Variants in INA observed in about 807,000 individuals in gnomAD.
INA encodes alpha-internexin.
INA carries 35 observed loss-of-function variants against 40.1 expected under a neutral mutation model. The ratio of observed to expected loss-of-function variants is 0.87; its 90% CI spans 0.67 to 1.16. The LOEUF (loss-of-function observed/expected upper bound fraction) is 1.16, where lower values mean the gene tolerates loss of function less well. Ranked by LOEUF, INA falls within the 50% of genes most tolerant of loss-of-function variation. The probability of loss-of-function intolerance (pLI) is 0.00; values close to 1 mark genes in which losing one functional copy is unlikely to be tolerated. For missense variants in INA, 594 were observed against 686.7 expected (o/e 0.87, Z 1.51); for synonymous variants, 290 against 316.9 (o/e 0.92, Z 0.90).
At chr10:103,286,740 C>T (rs1382890931) in intron 1 of INA, among the ~76,000 whole-genome samples, 1 of 151,962 alleles carries the variant, frequency 6.6e-6, no homozygotes, top group African/African-American at 2.4e-5. Context: ...AACTATATGC[C>T]GTGTGGCTAT....
At position 103,289,366 on chromosome 10, in the gene INA, C is replaced by A. The variant is rs960498563; in HGVS notation, c.*697C>A. 1 of 152,588 alleles carries A rather than the reference C, an allele frequency of 6.6e-6. No individual in the cohort carries two copies. Among genetic ancestry groups the A allele is most frequent in the Non-Finnish European group, 1.5e-5 (1 of 68,022 alleles). The allele number at this position is 152,588 out of a possible 1,614,324, so 9.5% of individuals were successfully genotyped here. A position where few individuals can be genotyped will look rare whatever the true frequency, so the allele number is the denominator to read the frequency against. On this transcript the variant is annotated 3_prime_UTR_variant, in exon 3 of 3. Coordinates refer to ENST00000369849, the MANE Select transcript of INA (RefSeq NM_032727.4). ...TACTTATCCCTGCCCATTTCATATT[C>A]TTTCAATTCTGTAGGTTAAAAAAAT...
intron 2 of INA, among the ~76,000 whole-genome samples, chr10:103,287,649 C>T (rs2093089391): frequency 1.3e-5 from 2 of 149,416 alleles, no homozygotes; most frequent in African/African-American, 5.0e-5. Flanking sequence ...GCAAGAGAAT[C>T]GCTTGAACCT....
intron 1 of INA, 133 bp from the exon 2 acceptor site, chr10:103,286,901 AC>A: frequency 1.2e-6 from 1 of 862,590 alleles, no homozygotes; most frequent in Non-Finnish European, 1.8e-6. Flanking sequence ...TCAGGGACAG[AC>A]CTGGATATAA....
Position 103,284,201 on chromosome 10 carries a change from G to A in INA, c.1066-2834G>A, listed in dbSNP as rs140747022. On this transcript the variant is annotated intron_variant, in intron 1 of 2. Coordinates refer to ENST00000369849, the MANE Select transcript of INA (RefSeq NM_032727.4). ...TAGCTCACTTCAACCTCCGCCTACC[G>A]GGCTCGAGCAATTCTCTCAGCTCAG... 4.6e-3 allele frequency among the ~76,000 whole-genome samples: 697 copies of A among 151,520 alleles called. 8 individuals are homozygous for A. The highest frequency in any genetic ancestry group is 0.016 in the African/African-American group (660 of 41,272).
rs774577855 is a variant in INA at position 103,278,755 on chromosome 10, G to A, written c.1065+479G>A. Among the ~76,000 whole-genome samples the A allele has an allele frequency of 4.6e-5, 7 of 152,086 alleles. No homozygotes were observed. The highest frequency in any genetic ancestry group is 8.8e-5 in the Non-Finnish European group (6 of 68,028). On this transcript the variant is annotated intron_variant, in intron 1 of 2. Coordinates refer to ENST00000369849, the MANE Select transcript of INA (RefSeq NM_032727.4). The surrounding 1 kb of genome is among the most constrained non-coding windows in gnomAD (Gnocchi z 4.9). ...AAGGAAGAATGCGATCCTGAACTGG[G>A]AAGAGTCCTATCCCATTTTCTTGAC...
intron 2 of INA, among the ~76,000 whole-genome samples, chr10:103,287,726 C>G (rs1226273459): frequency 3.1e-5 from 4 of 129,380 alleles, no homozygotes; most frequent in Non-Finnish European, 6.3e-5. Context: ...CAGTGAGACT[C>G]TGTCTAAAAA....
chr10:103,284,015 C>T (rs963473972), intron 1 of INA, among the ~76,000 whole-genome samples: 7 of 151,970 alleles, frequency 4.6e-5, no homozygotes, highest in African/African-American at 1.4e-4. Context: ...GTGATCCACC[C>T]GCCTCAGCCT....
At chr10:103,283,313 C>T (rs923351044) in intron 1 of INA, among the ~76,000 whole-genome samples, 5 of 152,140 alleles carry the variant, frequency 3.3e-5, no homozygotes, top group African/African-American at 1.2e-4. Flanking sequence ...TATTGATTCT[C>T]TTGTCAGTAG....
intron 1 of INA, among the ~76,000 whole-genome samples, chr10:103,283,418 T>C (rs192353263): frequency 1.3e-4 from 20 of 152,320 alleles, no homozygotes; most frequent in Non-Finnish European, 2.5e-4. Flanking sequence ...TAAAAATCTC[T>C]TTAAGGCCTC....
chr10:103,286,258 C>G (rs940850316), intron 1 of INA, among the ~76,000 whole-genome samples: 1 of 148,978 alleles, frequency 6.7e-6, no homozygotes, highest in African/African-American at 2.5e-5. Flanking sequence ...TCGCTTGAGC[C>G]CAGGAATTTT....
intron 1 of INA, among the ~76,000 whole-genome samples, chr10:103,284,471 C>T (rs926159965): frequency 3.9e-5 from 6 of 151,962 alleles, no homozygotes; most frequent in Admixed American, 1.3e-4. Context: ...AGTAAATTGC[C>T]GGGGCCGGAC....
At chr10:103,280,887 G>A (rs1281346298) in intron 1 of INA, 32 of 985,324 alleles carry the variant, frequency 3.2e-5, no homozygotes, top group Non-Finnish European at 3.9e-5. Context: ...TAGAGTCCTA[G>A]TTCTGTTAAA....
chr10:103,278,302 A>AG lies in INA; in HGVS notation c.1065+30dup. On this transcript the variant is annotated intron_variant, in intron 1 of 2. Coordinates refer to ENST00000369849, the MANE Select transcript of INA (RefSeq NM_032727.4). This position sits in a 1 kb window ranked among gnomAD's most constrained non-coding sequence, Gnocchi z 4.9. ...GTAAGGGCCGGGGCTGGGCGTGGGG[A>AG]GGGGTGCCCTGCCCTCTTCCGCGCG... 1.3e-6 allele frequency: 2 copies of AG among 1,490,550 alleles called. No individual in the cohort carries two copies. Among genetic ancestry groups the AG allele is most frequent in the Non-Finnish European group, 1.8e-6 (2 of 1,105,896 alleles). 92.3% of individuals were successfully genotyped at this position (1,490,550 alleles called of 1,614,324 possible). A position where few individuals can be genotyped will look rare whatever the true frequency, so the allele number is the denominator to read the frequency against.
chr10:103,278,097 G>C lies in INA; in HGVS notation c.886G>C (p.Glu296Gln). The C allele has an allele frequency of 6.2e-7, 1 of 1,613,460 alleles. No homozygotes were observed. The highest frequency in any genetic ancestry group is 2.2e-5 in the East Asian group (1 of 44,848). ...CAAGTCCAAGTTTGCCAACCTGAACGAGCAGGCGGCGCGCAGCACCGAGGC... is the reference window on the plus strand; with the variant it reads ...CAAGTCCAAGTTTGCCAACCTGAACCAGCAGGCGGCGCGCAGCACCGAGGC... ...WYKSKFANLN[E>Q]QAARSTEAIR... Residue 296 changes from glutamate (E) to glutamine (Q), a missense_variant, in exon 1 of 3, where the codon GAG becomes CAG. By Grantham distance (29) the Glu-to-Gln change is conservative. Around this residue, in one of 2 missense-constraint regions of INA, gnomAD observed 379 missense variants for 496.1 expected, o/e 0.76. Coordinates refer to ENST00000369849, the MANE Select transcript of INA (RefSeq NM_032727.4). The surrounding 1 kb of genome is among the most constrained non-coding windows in gnomAD (Gnocchi z 4.9).
chr10:103,278,617 G>A lies in INA; in HGVS notation c.1065+341G>A, dbSNP rs530526273. On this transcript the variant is annotated intron_variant, in intron 1 of 2. Transcript: ENST00000369849. This position sits in a 1 kb window ranked among gnomAD's most constrained non-coding sequence, Gnocchi z 4.9. ...ACCCAAAGTAAGACTGAGCCCAACG[G>A]GGCAGGTTACGTGGGCGGTGCTGTC... 3.9e-5 allele frequency among the ~76,000 whole-genome samples: 6 copies of A among 152,250 alleles called. No homozygotes were observed. The East Asian group carries it at 1.2e-3, about 29-fold the overall frequency.
intron 1 of INA, among the ~76,000 whole-genome samples, chr10:103,285,244 A>G (rs1008406560): frequency 6.6e-6 from 1 of 151,894 alleles, no homozygotes; most frequent in Non-Finnish European, 1.5e-5. Context: ...TCAGCCTCCC[A>G]AAGTGCTGGG....
rs549322749 is a variant in INA at position 103,289,985 on chromosome 10, C to T, written c.*1316C>T. On this transcript the variant is annotated 3_prime_UTR_variant, in exon 3 of 3. Coordinates refer to ENST00000369849, the MANE Select transcript of INA (RefSeq NM_032727.4). ...AGACCAGAGAAGGGGTGTGCATGCG[C>T]CTACTCGCTTGCTAGAAGTAGATTC... 1 of 152,794 alleles carries T rather than the reference C, an allele frequency of 6.5e-6. No individual in the cohort carries two copies. The highest frequency in any genetic ancestry group is 1.9e-4 in the East Asian group (1 of 5,184). The allele number at this position is 152,794 out of a possible 1,614,324, so 9.5% of individuals were successfully genotyped here.
rs1400357098 is a variant in INA at position 103,277,428 on chromosome 10, G to A, written c.217G>A (p.Asp73Asn). ...GLAYRRPPAS[D>N]GLDLSQAAAR... ...GGCCTATCGCCGGCCGCCGGCGTCC[G>A]ACGGGCTGGACCTGAGCCAGGCGGC... Residue 73 changes from aspartate (D) to asparagine (N), a missense_variant, in exon 1 of 3, where the codon GAC becomes AAC. Transcript: ENST00000369849. The surrounding 1 kb of genome is among the most constrained non-coding windows in gnomAD (Gnocchi z 5.6). The A allele has an allele frequency of 1.9e-6, 3 of 1,562,800 alleles. No individual in the cohort carries two copies. Among genetic ancestry groups the A allele is most frequent in the Non-Finnish European group, 2.6e-6 (3 of 1,160,270 alleles).
intron 1 of INA, among the ~76,000 whole-genome samples, chr10:103,286,717 A>C (rs967584330): frequency 3.3e-5 from 5 of 151,912 alleles, no homozygotes; most frequent in Non-Finnish European, 7.4e-5. Context: ...AATCATCTCC[A>C]TGTTCAGTTC....
Sources: allele counts gnomAD v4.1 joint callset (sites outside exome capture counted in the v4.1 genomes callset), GRCh38; gene constraint gnomAD v4.1.1; regional missense constraint gnomAD v4.1.1; non-coding constraint Gnocchi (gnomAD v3.1); transcripts MANE v1.5; gene names NCBI Gene and HGNC (gene_info 2026-07-23, HGNC 2026-07-21).